LINC00237: variants seen among roughly 807,000 people sequenced by gnomAD.
The protein encoded by LINC00237 is long intergenic non-protein coding RNA 237.
chr20:21,091,801 GCA>G (rs1324368175), intron 2 of LINC00237, among the ~76,000 whole-genome samples: 1 of 152,142 alleles, frequency 6.6e-6, no homozygotes, highest in Admixed American at 6.5e-5. Flanking sequence ...TTGGCAATGG[GCA>G]CATATTAATA....
chr20:21,091,273 G>A (rs771272525), intron 2 of LINC00237, among the ~76,000 whole-genome samples: 25 of 152,192 alleles, frequency 1.6e-4, no homozygotes, highest in Non-Finnish European at 3.1e-4. Context: ...CTTGTTAGCA[G>A]CTCCCTCTGC....
chr20:21,105,610 G>C (rs2030988673), intron 1 of LINC00237, among the ~76,000 whole-genome samples: 1 of 152,202 alleles, frequency 6.6e-6, no homozygotes, highest in Non-Finnish European at 1.5e-5. Flanking sequence ...AGGGGAAGGA[G>C]TGGCCACGCC....
chr20:21,088,967 T>C (rs566904830), intron 2 of LINC00237, among the ~76,000 whole-genome samples: 1 of 152,148 alleles, frequency 6.6e-6, no homozygotes, highest in African/African-American at 2.4e-5. Context: ...GTTATTATTA[T>C]CAGATTGTAG....
In LINC00237 at chr20:21,101,572, G is replaced by C. The variant is rs1171029408; in HGVS notation, n.88+4699C>G. On this transcript the variant is annotated intron_variant and non_coding_transcript_variant, in intron 1 of 3. Coordinates refer to ENST00000691244, the Ensembl canonical transcript of LINC00237. This position sits in a 1 kb window ranked among gnomAD's most constrained non-coding sequence, Gnocchi z 4.3. Reference sequence around the variant, plus strand: ...CAGTCCGCGGCCGCCAGCTCCAGGGGCTCGGGCCCCAGGTTGGAGTAGCCA... The same window carrying C: ...CAGTCCGCGGCCGCCAGCTCCAGGGCCTCGGGCCCCAGGTTGGAGTAGCCA... 3 of 152,400 alleles carry C rather than the reference G, an allele frequency of 2.0e-5. No individual in the cohort carries two copies. In the East Asian group the frequency reaches 5.8e-4, roughly 29 times the overall value. 9.4% of individuals were successfully genotyped at this position (152,400 alleles called of 1,614,324 possible).
chr20:21,086,707 A>ATGTATAG (rs1476815578), intron 3 of LINC00237, among the ~76,000 whole-genome samples: 1 of 16,944 alleles, frequency 5.9e-5, no homozygotes, highest in African/African-American at 1.9e-4. Flanking sequence ...AGTATACTAT[A>ATGTATAG]TATACATATA....
Position 21,085,799 on chromosome 20 carries a change from C to T in LINC00237, n.649G>A, listed in dbSNP as rs1411737382. ...GTACACTTATTGTATGTGTACTTTG[C>T]AATATTTACTTTATCATTATGAAAA... On this transcript the variant is annotated non_coding_transcript_exon_variant, in exon 4 of 4. Coordinates refer to ENST00000691244, the Ensembl canonical transcript of LINC00237. 2.0e-5 allele frequency among the ~76,000 whole-genome samples: 3 copies of T among 152,080 alleles called. No individual in the cohort carries two copies. In the East Asian group the frequency reaches 5.8e-4, roughly 29 times the overall value.
chr20:21,102,126 A>T (rs1051727416), intron 1 of LINC00237, among the ~76,000 whole-genome samples: 1 of 152,226 alleles, frequency 6.6e-6, no homozygotes, highest in African/African-American at 2.4e-5. Context: ...GGGCCTCGCA[A>T]CTCAGCTGTT....
chr20:21,097,911 T>G (rs564446696), intron 1 of LINC00237, among the ~76,000 whole-genome samples: 1 of 151,898 alleles, frequency 6.6e-6, no homozygotes, highest in East Asian at 1.9e-4. Context: ...CTCATTAGTT[T>G]AAAAAAAAAT....
At chr20:21,103,721 A>G (rs1287613271) in intron 1 of LINC00237, among the ~76,000 whole-genome samples, 2 of 152,124 alleles carry the variant, frequency 1.3e-5, no homozygotes, top group African/African-American at 4.8e-5. Context: ...GGTGAAATCA[A>G]TGTGCGCCAA....
intron 1 of LINC00237, among the ~76,000 whole-genome samples, chr20:21,102,827 TC>T (rs1326915044): frequency 6.6e-6 from 1 of 152,168 alleles, no homozygotes; most frequent in African/African-American, 2.4e-5. Context: ...AAGGCTTGAT[TC>T]TTTTTGAAAT....
chr20:21,104,486 AG>A (rs1478495973), intron 1 of LINC00237, among the ~76,000 whole-genome samples: 2 of 152,198 alleles, frequency 1.3e-5, no homozygotes, highest in Non-Finnish European at 2.9e-5. Context: ...ACTCACCTTG[AG>A]GGGAGTGGCC....
chr20:21,099,980 A>C (rs1053850306), intron 1 of LINC00237, among the ~76,000 whole-genome samples: 14 of 152,258 alleles, frequency 9.2e-5, no homozygotes, highest in African/African-American at 3.4e-4. Context: ...ATGTGCATGG[A>C]ATATTAAATT....
rs543866451 is a variant in LINC00237 at position 21,102,753 on chromosome 20, G to A, written n.88+3518C>T. 4.6e-5 allele frequency among the ~76,000 whole-genome samples: 7 copies of A among 151,542 alleles called. No homozygotes were observed. The East Asian group carries it at 1.2e-3, about 25-fold the overall frequency. On this transcript the variant is annotated intron_variant and non_coding_transcript_variant, in intron 1 of 3. Coordinates refer to ENST00000691244, the Ensembl canonical transcript of LINC00237. ...GAAGGGAGTGGATGGCCCCCACTGA[G>A]CGGAACAATTGTCACTCAGTTGAAC...
intron 3 of LINC00237, chr20:21,087,554 A>T (rs2122165920): frequency 6.6e-6 from 1 of 152,308 alleles, no homozygotes; most frequent in Non-Finnish European, 1.5e-5. Context: ...GTAGCTTATG[A>T]AAGTGCCATT....
At chr20:21,099,374 C>T (rs2030900516) in intron 1 of LINC00237, among the ~76,000 whole-genome samples, 1 of 152,192 alleles carries the variant, frequency 6.6e-6, no homozygotes, top group Admixed American at 6.5e-5. Flanking sequence ...ATTCAAGAAA[C>T]AGCACAGTGG....
chr20:21,091,631 C>A (rs1474954383), intron 2 of LINC00237, among the ~76,000 whole-genome samples: 1 of 152,192 alleles, frequency 6.6e-6, no homozygotes, highest in African/African-American at 2.4e-5. Flanking sequence ...AACGACTCCA[C>A]CAAACATTAG....
intron 1 of LINC00237, among the ~76,000 whole-genome samples, chr20:21,104,843 A>C (rs1247148711): frequency 6.6e-6 from 1 of 152,118 alleles, no homozygotes; most frequent in Non-Finnish European, 1.5e-5. Context: ...AGACACACAG[A>C]CACACAGGCG....
At chr20:21,090,123 T>C (rs1048935594) in intron 2 of LINC00237, 1 of 152,232 alleles carries the variant, frequency 6.6e-6, no homozygotes, top group Non-Finnish European at 1.5e-5. Flanking sequence ...CTCTCTCTTC[T>C]TATGAACGAT....
chr20:21,085,771 A>G (rs1261701566), exon 4 of LINC00237, among the ~76,000 whole-genome samples: 11 of 152,142 alleles, frequency 7.2e-5, no homozygotes, highest in East Asian at 1.9e-4. Context: ...GGATTCATCA[A>G]TTGTACACTT....
Sources: gnomAD v4.1 joint callset for allele counts (sites outside exome capture counted in the v4.1 genomes callset) on GRCh38, gnomAD v4.1.1 for gene constraint, Gnocchi (gnomAD v3.1) non-coding constraint, MANE v1.5 for transcripts, NCBI Gene and HGNC (gene_info 2026-07-23, HGNC 2026-07-21) for gene names.